ARHGAP44: variants seen among roughly 807,000 people sequenced by gnomAD.
ARHGAP44 encodes rho GTPase-activating protein 44.
In ARHGAP44, 43 loss-of-function variants were observed where a neutral mutation model predicts 106.8. That is an observed-to-expected ratio of 0.40 (90% CI 0.32 to 0.52). The LOEUF is 0.52. Ranked by LOEUF, ARHGAP44 falls within the 20% of genes least tolerant of loss-of-function variation. The pLI is 0.48. For synonymous variants in ARHGAP44, 439 were observed against 410.3 expected (o/e 1.07, Z -0.85); for missense variants, 866 against 1,050.5 (o/e 0.82, Z 2.43).
At chr17:12,853,909 T>C (rs932631590) in intron 1 of ARHGAP44, among the ~76,000 whole-genome samples, 1 of 152,200 alleles carries the variant, frequency 6.6e-6, no homozygotes, top group African/African-American at 2.4e-5. Context: ...ATCTGCCTCT[T>C]GTCCCAATTC....
At chr17:12,919,387 C>CTTTTT (rs375129968) in intron 5 of ARHGAP44, among the ~76,000 whole-genome samples, 7 of 136,086 alleles carry the variant, frequency 5.1e-5, no homozygotes, top group African/African-American at 8.2e-5. Context: ...AATAGTTCTT[C>CTTTTT]TTTTTTTTTT....
intron 1 of ARHGAP44, among the ~76,000 whole-genome samples, chr17:12,828,359 T>C (rs2034984571): frequency 6.6e-6 from 1 of 152,150 alleles, no homozygotes; most frequent in African/African-American, 2.4e-5. Context: ...TTATCAAGCC[T>C]AAGAAAATCC....
At position 12,990,138 on chromosome 17, in the gene ARHGAP44, C is replaced by T; in HGVS notation, c.2424C>T (p.Asp808=). Reference sequence around the variant, plus strand: ...GACACTCAGTAACTGACAAGAGGGACTCGGAGGAGGAGTCTGAGAGCACCG... The same window carrying T: ...GACACTCAGTAACTGACAAGAGGGATTCGGAGGAGGAGTCTGAGAGCACCG... ...MRRHSVTDKR[D]SEEESESTAL The change falls in exon 21 of 21, where the codon GAC becomes GAT. Residue 808 remains aspartate (D), a synonymous_variant. Transcript: ENST00000379672. The T allele has an allele frequency of 2.5e-6, 4 of 1,613,298 alleles. No homozygotes were observed. Among genetic ancestry groups the T allele is most frequent in the Non-Finnish European group, 3.4e-6 (4 of 1,179,568 alleles).
At chr17:12,976,383 C>T (rs746638294) in intron 18 of ARHGAP44, among the ~76,000 whole-genome samples, 13 of 152,072 alleles carry the variant, frequency 8.5e-5, no homozygotes, top group African/African-American at 2.2e-4. Context: ...GAGGCTGAGG[C>T]GGGCGGATCA....
intron 4 of ARHGAP44, among the ~76,000 whole-genome samples, chr17:12,913,480 A>G (rs1011353138): frequency 2.0e-5 from 3 of 152,238 alleles, no homozygotes; most frequent in African/African-American, 7.2e-5. Flanking sequence ...GCATTTATTA[A>G]TATGAATAAA....
intron 3 of ARHGAP44, among the ~76,000 whole-genome samples, chr17:12,904,787 G>A (rs917968561): frequency 3.3e-5 from 5 of 152,202 alleles, no homozygotes; most frequent in African/African-American, 1.2e-4. Context: ...TTTATGAAAG[G>A]ATACACAAAA....
intron 1 of ARHGAP44, among the ~76,000 whole-genome samples, chr17:12,857,764 T>TGTTA (rs2035953000): frequency 8.6e-6 from 1 of 116,268 alleles, no homozygotes; most frequent in Non-Finnish European, 1.6e-5. Flanking sequence ...CGGTTGCCCA[T>TGTTA]GTTATTTATT....
At chr17:12,814,919 A>T (rs1189935083) in intron 1 of ARHGAP44, among the ~76,000 whole-genome samples, 1 of 152,168 alleles carries the variant, frequency 6.6e-6, no homozygotes, top group Non-Finnish European at 1.5e-5. Flanking sequence ...AATATTGCTG[A>T]ATCATGGTTG....
In ARHGAP44 at chr17:12,944,052, C is replaced by T; in HGVS notation, c.734-17C>T. ...TTGGCGAACAGCTGACTGACTCTTT[C>T]TCACTCCTCCCCTCAGAGGCCTGGG... On this transcript the variant is annotated splice_polypyrimidine_tract_variant and intron_variant, in intron 9 of 20. Transcript: ENST00000379672. 3 of 1,582,364 alleles carry T rather than the reference C, an allele frequency of 1.9e-6. No homozygotes were observed. The highest frequency in any genetic ancestry group is 1.7e-6 in the Non-Finnish European group (2 of 1,160,358).
At chr17:12,944,711 G>A (rs1270009955) in intron 10 of ARHGAP44, among the ~76,000 whole-genome samples, 1 of 148,328 alleles carries the variant, frequency 6.7e-6, no homozygotes, top group African/African-American at 2.5e-5. Flanking sequence ...GGATGGTCTC[G>A]ATCCCTTGAC....
intron 15 of ARHGAP44, among the ~76,000 whole-genome samples, chr17:12,957,541 TG>T (rs2039160198): frequency 1.3e-5 from 2 of 152,148 alleles, no homozygotes; most frequent in Admixed American, 1.3e-4. Flanking sequence ...TTGTGCCCTT[TG>T]AGTTGTCCCT....
At chr17:12,849,384 G>A (rs1883876483) in intron 1 of ARHGAP44, among the ~76,000 whole-genome samples, 1 of 151,988 alleles carries the variant, frequency 6.6e-6, no homozygotes, top group African/African-American at 2.4e-5. Flanking sequence ...ACCAATCTGT[G>A]AGTTTGTGCC....
chr17:12,920,340 C>G (rs1426138682), intron 6 of ARHGAP44, among the ~76,000 whole-genome samples: 27 of 113,614 alleles, frequency 2.4e-4, no homozygotes, highest in Non-Finnish European at 3.6e-4. Flanking sequence ...CATGCCACTG[C>G]ATTCCAGCCT....
At chr17:12,829,968 G>T (rs2035037168) in intron 1 of ARHGAP44, among the ~76,000 whole-genome samples, 1 of 152,108 alleles carries the variant, frequency 6.6e-6, no homozygotes, top group South Asian at 2.1e-4. Flanking sequence ...GAGTGCCTGG[G>T]ACCTATTTAA....
At chr17:12,897,314 G>A (rs7217469) in intron 3 of ARHGAP44, among the ~76,000 whole-genome samples, 21,900 of 150,968 alleles carry the variant, frequency 0.15, 2,433 homozygotes, top group East Asian at 0.34. Flanking sequence ...TTGGTCCCCC[G>A]ATGCCCCTCG....
chr17:12,827,413 T>A (rs932932070), intron 1 of ARHGAP44, among the ~76,000 whole-genome samples: 40 of 152,194 alleles, frequency 2.6e-4, no homozygotes, highest in Non-Finnish European at 5.9e-5. Flanking sequence ...GTCAATTTTT[T>A]ATGAATGTCA....
intron 6 of ARHGAP44, among the ~76,000 whole-genome samples, chr17:12,926,107 A>G (rs1598065191): frequency 6.6e-6 from 1 of 152,092 alleles, no homozygotes; most frequent in Non-Finnish European, 1.5e-5. Flanking sequence ...GCTCACGCCT[A>G]TAATCCCAGC....
chr17:12,967,119 T>C (rs1161116162), intron 16 of ARHGAP44, among the ~76,000 whole-genome samples: 1 of 116,038 alleles, frequency 8.6e-6, no homozygotes, highest in Non-Finnish European at 1.7e-5. Context: ...TTTTTTGTTT[T>C]GCTGGGGCAG....
rs144450804 is a variant in ARHGAP44, at chr17:12,928,672, A to G, written c.465-257A>G. On this transcript the variant is annotated intron_variant, in intron 6 of 20. Transcript: ENST00000379672. Reference sequence around the variant, plus strand: ...TTTAGTGTTTGGAAGACAATAGAGAAAATAGTGACAAACCAGGGGATGCTC... The same window carrying G: ...TTTAGTGTTTGGAAGACAATAGAGAGAATAGTGACAAACCAGGGGATGCTC... Among the ~76,000 whole-genome samples, 382 of 152,310 alleles carry G rather than the reference A, an allele frequency of 2.5e-3. 2 individuals carry two copies. Among genetic ancestry groups the G allele is most frequent in the African/African-American group, 8.6e-3 (358 of 41,576 alleles).
Sources: gnomAD v4.1 joint callset for allele counts (sites outside exome capture counted in the v4.1 genomes callset) on GRCh38, gnomAD v4.1.1 for gene constraint, MANE v1.5 for transcripts, NCBI Gene and HGNC (gene_info 2026-07-23, HGNC 2026-07-21) for gene names.